DGKG: variants seen among roughly 807,000 people sequenced by gnomAD.
The protein encoded by DGKG is DAG kinase gamma.
A neutral mutation model predicts 105.3 loss-of-function variants in DGKG; 78 were observed. The ratio of observed to expected loss-of-function variants is 0.74; its 90% CI spans 0.62 to 0.89. DGKG has a LOEUF of 0.89. Among genes scored for constraint, DGKG ranks in the 40% least tolerant of loss-of-function variants. DGKG has a pLI of 0.00. For missense variants in DGKG, 958 were observed against 1,020.1 expected (o/e 0.94, Z 0.83); for synonymous variants, 346 against 367.1 (o/e 0.94, Z 0.66).
chr3:186,350,940 GT>G (rs893770195), intron 1 of DGKG, among the ~76,000 whole-genome samples: 38 of 152,168 alleles, frequency 2.5e-4, no homozygotes, highest in African/African-American at 8.4e-4. Flanking sequence ...TTTGAATTGG[GT>G]TTTTTTGTTG....
At chr3:186,217,386 C>T (rs939617240) in intron 20 of DGKG, among the ~76,000 whole-genome samples, 1 of 152,148 alleles carries the variant, frequency 6.6e-6, no homozygotes, top group African/African-American at 2.4e-5. Context: ...AGGCTCTGAA[C>T]TATCCAGATG....
chr3:186,147,834 G>A lies in DGKG; in HGVS notation c.*2256C>T, dbSNP rs1560069946. On this transcript the variant is annotated 3_prime_UTR_variant, in exon 25 of 25. Transcript: ENST00000265022. ...ACCTGCCTCAGTTTCAGAAACAAGT[G>A]GCTTCCAAGATAGTACCTGTAGTAA... The A allele has an allele frequency of 1.0e-6, 1 of 985,316 alleles. No individual in the cohort carries two copies. Among genetic ancestry groups the A allele is most frequent in the South Asian group, 4.7e-5 (1 of 21,276 alleles). 61.0% of individuals were successfully genotyped at this position (985,316 alleles called of 1,614,324 possible).
At chr3:186,312,032 C>T (rs1476057392) in intron 2 of DGKG, among the ~76,000 whole-genome samples, 3 of 127,262 alleles carry the variant, frequency 2.4e-5, no homozygotes, top group Non-Finnish European at 3.1e-5. Context: ...AGGAGAATGG[C>T]GTGAACCCGG....
Position 186,273,357 on chromosome 3 carries a change from T to A in DGKG, c.911-1014A>T, listed in dbSNP as rs559012979. ...GGGTTTGAACTGGCGCTGGGGAGAC[T>A]GTTGTACCCCTTTTTTTTTTTTTTT... On this transcript the variant is annotated intron_variant, in intron 10 of 24. Coordinates refer to ENST00000265022, the MANE Select transcript of DGKG (RefSeq NM_001346.3). Among the ~76,000 whole-genome samples the A allele has an allele frequency of 4.0e-5, 6 of 148,560 alleles. No homozygotes were observed. The East Asian group carries it at 1.2e-3, about 29-fold the overall frequency.
chr3:186,264,790 G>A (rs1721964610), intron 14 of DGKG, among the ~76,000 whole-genome samples: 1 of 152,138 alleles, frequency 6.6e-6, no homozygotes, highest in African/African-American at 2.4e-5. Flanking sequence ...CACAAAAAAT[G>A]TTCATTGCTG....
intron 1 of DGKG, among the ~76,000 whole-genome samples, chr3:186,360,820 C>A (rs570245590): frequency 6.6e-6 from 1 of 152,216 alleles, no homozygotes; most frequent in Non-Finnish European, 1.5e-5. Flanking sequence ...CTCATCATGA[C>A]CCCTGGTGTT....
At chr3:186,252,429 C>T (rs1215773821) in intron 18 of DGKG, among the ~76,000 whole-genome samples, 2 of 152,328 alleles carry the variant, frequency 1.3e-5, no homozygotes, top group African/African-American at 2.4e-5. Flanking sequence ...CTTTTCTGGC[C>T]GGCAGCCTGA....
intron 3 of DGKG, among the ~76,000 whole-genome samples, chr3:186,299,956 T>C (rs1723842554): frequency 6.6e-6 from 1 of 151,676 alleles, no homozygotes; most frequent in African/African-American, 2.4e-5. Flanking sequence ...CGCCTCAGCC[T>C]CCTCCCAAGT....
At chr3:186,338,522 G>A (rs750987325) in intron 1 of DGKG, among the ~76,000 whole-genome samples, 2 of 152,106 alleles carry the variant, frequency 1.3e-5, no homozygotes, top group African/African-American at 2.4e-5. Flanking sequence ...TGCAATATTT[G>A]TAGTGGTACA....
intron 21 of DGKG, among the ~76,000 whole-genome samples, chr3:186,208,904 C>T (rs1403287298): frequency 6.6e-6 from 1 of 152,168 alleles, no homozygotes; most frequent in Non-Finnish European, 1.5e-5. Context: ...CTGGAATCTT[C>T]TCTCTTATCA....
chr3:186,323,460 C>A (rs1725176869), intron 1 of DGKG, among the ~76,000 whole-genome samples: 1 of 152,134 alleles, frequency 6.6e-6, no homozygotes, highest in Non-Finnish European at 1.5e-5. Flanking sequence ...ATTTAGTAAA[C>A]ATGGTGAGGA....
chr3:186,346,611 G>C (rs1274351012), intron 1 of DGKG, among the ~76,000 whole-genome samples: 1 of 149,608 alleles, frequency 6.7e-6, no homozygotes, highest in Non-Finnish European at 1.5e-5. Context: ...ACAGGTCTTA[G>C]ACCTACATCA....
intron 20 of DGKG, among the ~76,000 whole-genome samples, chr3:186,220,524 AAAGTCAACCG>A (rs1171176993): frequency 6.6e-6 from 1 of 152,178 alleles, no homozygotes; most frequent in East Asian, 1.9e-4. Context: ...GAGAAATGGA[AAAGTCAACCG>A]AAGTCACCAG....
chr3:186,244,381 T>C (rs1437613637), intron 19 of DGKG, among the ~76,000 whole-genome samples: 1 of 151,636 alleles, frequency 6.6e-6, no homozygotes, highest in East Asian at 1.9e-4. Flanking sequence ...TTTTGAGAGT[T>C]TAAAATTTAA....
At chr3:186,173,385 C>T (rs1179359915) in intron 22 of DGKG, among the ~76,000 whole-genome samples, 2 of 152,202 alleles carry the variant, frequency 1.3e-5, no homozygotes, top group Non-Finnish European at 2.9e-5. Flanking sequence ...AGCTGACAAG[C>T]GCTGGGTGTG....
intron 11 of DGKG, among the ~76,000 whole-genome samples, chr3:186,269,256 G>A (rs535802607): frequency 6.6e-6 from 1 of 152,214 alleles, no homozygotes; most frequent in Non-Finnish European, 1.5e-5. Context: ...GTTTGTATGC[G>A]CCCTCTTCTG....
intron 21 of DGKG, among the ~76,000 whole-genome samples, chr3:186,192,018 A>ATT (rs11387682): frequency 6.6e-6 from 1 of 151,874 alleles, no homozygotes; most frequent in East Asian, 1.9e-4. Context: ...TCCTTTATTT[A>ATT]TTTTTTGAGA....
chr3:186,303,883 A>G (rs1578805260), intron 3 of DGKG, among the ~76,000 whole-genome samples: 2 of 152,178 alleles, frequency 1.3e-5, no homozygotes, highest in South Asian at 2.1e-4. Flanking sequence ...TCATTGAGAC[A>G]TTTTAGCAGC....
rs560014390 is a variant in DGKG, at chr3:186,266,029, T to C, written c.1210-723A>G. Among the ~76,000 whole-genome samples the C allele has an allele frequency of 3.7e-3, 561 of 152,260 alleles. 3 individuals carry two copies. The highest frequency in any genetic ancestry group is 6.3e-3 in the Non-Finnish European group (426 of 68,012). On this transcript the variant is annotated intron_variant, in intron 13 of 24. Transcript: ENST00000265022. ...GATATGATATTGTCATTTTTCTTGG[T>C]TTTGTTTGTTTTTCTAATGTTTATT...
Sources: gnomAD v4.1 joint callset for allele counts (sites outside exome capture counted in the v4.1 genomes callset) on GRCh38, gnomAD v4.1.1 for gene constraint, MANE v1.5 for transcripts, NCBI Gene and HGNC (gene_info 2026-07-23, HGNC 2026-07-21) for gene names.